Variants in NRXN3 observed in about 807,000 individuals in gnomAD.
The protein encoded by NRXN3 is neurexin III.
A neutral mutation model predicts 137.6 loss-of-function variants in NRXN3; 32 were observed. The observed-to-expected ratio is 0.23, with a 90% CI of 0.18 to 0.31. NRXN3 has a LOEUF of 0.31. Among genes scored for constraint, NRXN3 ranks in the 10% least tolerant of loss-of-function variants. The pLI, the probability that NRXN3 is intolerant of heterozygous loss-of-function variation, is 1.00. For missense variants in NRXN3, 1,574 were observed against 2,062.5 expected, an observed-to-expected ratio of 0.76 and a Z score of 4.59; for synonymous variants, 798 against 784.5, an observed-to-expected ratio of 1.02 and a Z score of -0.29.
intron 15 of NRXN3, among the ~76,000 whole-genome samples, chr14:79,055,208 C>T (rs1324661284): frequency 8.5e-5 from 13 of 152,262 alleles, no homozygotes; most frequent in African/African-American, 1.2e-4. Context: ...CATAAGAAGA[C>T]GGCTTTTTAA....
intron 16 of NRXN3, among the ~76,000 whole-genome samples, chr14:79,536,874 G>A (rs142664918): frequency 0.017 from 2,524 of 152,148 alleles, 37 homozygotes; most frequent in East Asian, 0.076. Context: ...GGGCATTTAG[G>A]TTGATTCTGT....
intron 6 of NRXN3, among the ~76,000 whole-genome samples, chr14:78,680,335 T>A (rs1329559716): frequency 1.3e-5 from 2 of 152,062 alleles, no homozygotes. Flanking sequence ...TGACACAAGT[T>A]TACCTACGTA....
chr14:78,648,159 T>C (rs1223989300), intron 5 of NRXN3, among the ~76,000 whole-genome samples: 1 of 152,248 alleles, frequency 6.6e-6, no homozygotes, highest in Non-Finnish European at 1.5e-5. Context: ...CTGTATCTAT[T>C]GCAAACTATA....
intron 4 of NRXN3, among the ~76,000 whole-genome samples, chr14:78,465,057 G>A (rs1253446108): frequency 6.6e-6 from 1 of 152,030 alleles, no homozygotes; most frequent in Non-Finnish European, 1.5e-5. Flanking sequence ...CCCACACTGA[G>A]AGACTATTTT....
chr14:79,264,114 G>A (rs1254736647), intron 15 of NRXN3, among the ~76,000 whole-genome samples: 2 of 151,978 alleles, frequency 1.3e-5, no homozygotes, highest in Admixed American at 1.3e-4. Flanking sequence ...TTGAGACAGG[G>A]TCTTGCTCTG....
chr14:79,092,594 T>G (rs2152810259), intron 15 of NRXN3, among the ~76,000 whole-genome samples: 1 of 152,342 alleles, frequency 6.6e-6, no homozygotes, highest in South Asian at 2.1e-4. Flanking sequence ...TAGAAATATG[T>G]AAGTTCCATT....
At chr14:78,967,184 G>GT (rs10603296) in intron 12 of NRXN3, 24 bp from the exon 13 acceptor site, 210,189 of 1,323,036 alleles carry the variant, frequency 0.16, 2 homozygotes, top group Non-Finnish European at 0.18. Flanking sequence ...TCCAATTATT[G>GT]TTTTTTTTTT....
chr14:79,408,920 G>GT (rs76658197), intron 15 of NRXN3, among the ~76,000 whole-genome samples: 15 of 151,788 alleles, frequency 9.9e-5, no homozygotes, highest in East Asian at 5.8e-4. Flanking sequence ...AAATTCATGT[G>GT]TTTTTTTTCT....
Position 78,714,751 on chromosome 14 carries a change from C to A in NRXN3, c.1661-5C>A, listed in dbSNP as rs2098424065. On this transcript the variant is annotated splice_polypyrimidine_tract_variant and splice_region_variant and intron_variant, in intron 7 of 20. Coordinates refer to ENST00000335750, the MANE Select transcript of NRXN3 (RefSeq NM_001330195.2). ...ACTCACCTGAGATCTGTCTTCCCAC[C>A]CCAGGTACTATATCAGTGAACAGCA... is the stretch of plus-strand genomic sequence containing the variant. 6.2e-7 allele frequency: 1 copy of A among 1,610,814 alleles called. No individual in the cohort carries two copies. Among genetic ancestry groups the A allele is most frequent in the Admixed American group, 1.7e-5 (1 of 59,936 alleles).
chr14:79,566,743 C>T (rs172710), intron 16 of NRXN3, among the ~76,000 whole-genome samples: 17,786 of 151,864 alleles, frequency 0.12, 1,264 homozygotes, highest in African/African-American at 0.19. Flanking sequence ...TTACCTCCTC[C>T]GATACAAAAA....
At chr14:78,645,706 G>T (rs2097680325) in intron 5 of NRXN3, among the ~76,000 whole-genome samples, 1 of 150,026 alleles carries the variant, frequency 6.7e-6, no homozygotes, top group South Asian at 2.1e-4. Flanking sequence ...CTTTTATTCT[G>T]CTTTCCTTTG....
At chr14:79,852,234 A>AACACACAC (rs45581833) in intron 20 of NRXN3, among the ~76,000 whole-genome samples, 10,754 of 128,138 alleles carry the variant, frequency 0.084, 627 homozygotes, top group Non-Finnish European at 0.1. Flanking sequence ...TTCAACTCCC[A>AACACACAC]ACACACACAC....
At chr14:79,476,278 A>C (rs956079038) in intron 16 of NRXN3, among the ~76,000 whole-genome samples, 1 of 152,102 alleles carries the variant, frequency 6.6e-6, no homozygotes, top group Non-Finnish European at 1.5e-5. Context: ...GCAACTTGTT[A>C]GTGTTTCAGG....
chr14:79,386,154 A>G (rs1386414723), intron 15 of NRXN3, among the ~76,000 whole-genome samples: 2 of 152,190 alleles, frequency 1.3e-5, no homozygotes, highest in Non-Finnish European at 2.9e-5. Context: ...GGAAAAGAGG[A>G]AGTCAAATTG....
chr14:78,810,138 C>G (rs1046143187), intron 9 of NRXN3, among the ~76,000 whole-genome samples, 180 bp from the exon 10 acceptor site: 1 of 151,118 alleles, frequency 6.6e-6, no homozygotes, highest in African/African-American at 2.4e-5. Context: ...TCCAACTTTA[C>G]TAAATAATAT....
chr14:78,562,018 A>C (rs901598825), intron 4 of NRXN3, among the ~76,000 whole-genome samples: 2 of 152,218 alleles, frequency 1.3e-5, no homozygotes, highest in Non-Finnish European at 2.9e-5. Flanking sequence ...ACATTCTGTC[A>C]TCAAGATTAA....
chr14:79,377,005 T>A (rs1194014053), intron 15 of NRXN3, among the ~76,000 whole-genome samples: 2 of 152,228 alleles, frequency 1.3e-5, no homozygotes, highest in Non-Finnish European at 2.9e-5. Flanking sequence ...AGCTACTAAG[T>A]AGAAGATACT....
At chr14:78,769,444 A>G (rs2098719821) in intron 8 of NRXN3, among the ~76,000 whole-genome samples, 2 of 152,142 alleles carry the variant, frequency 1.3e-5, no homozygotes, top group Admixed American at 6.5e-5. Flanking sequence ...TTTTTGAAAG[A>G]CACAATTCAA....
intron 16 of NRXN3, among the ~76,000 whole-genome samples, chr14:79,529,797 G>A (rs1055812938): frequency 6.6e-6 from 1 of 152,166 alleles, no homozygotes; most frequent in Non-Finnish European, 1.5e-5. Context: ...ATTTGAGTCA[G>A]TTTTCATCCC....
Sources: gnomAD v4.1 joint callset for allele counts (sites outside exome capture counted in the v4.1 genomes callset) on GRCh38, gnomAD v4.1.1 for gene constraint, MANE v1.5 for transcripts, NCBI Gene and HGNC (gene_info 2026-07-23, HGNC 2026-07-21) for gene names.